KHDRBS2: variants seen among roughly 807,000 people sequenced by gnomAD.
The protein encoded by KHDRBS2 is KH domain-containing, RNA-binding, signal transduction-associated protein 2.
A neutral mutation model predicts 44.3 loss-of-function variants in KHDRBS2; 26 were observed. The ratio of observed to expected loss-of-function variants is 0.59; its 90% CI spans 0.43 to 0.81. The LOEUF is 0.81. KHDRBS2 is among the 40% of genes least tolerant of loss of function. KHDRBS2 has a pLI of 0.00. For missense variants in KHDRBS2, 476 were observed against 433.1 expected, an observed-to-expected ratio of 1.10 and a Z score of -0.88; for synonymous variants, 194 against 151.1, an observed-to-expected ratio of 1.28 and a Z score of -2.08.
chr6:61,666,991 G>T, the KHDRBS2 span, among the ~76,000 whole-genome samples: 51 of 140,522 alleles, frequency 3.6e-4, no homozygotes, highest in East Asian at 4.6e-3. Flanking sequence ...AACCTTCTGG[G>T]TTTTTTTTTT....
chr6:62,279,586 G>T (rs1388376959), intron 1 of KHDRBS2, among the ~76,000 whole-genome samples: 1 of 152,168 alleles, frequency 6.6e-6, no homozygotes, highest in Admixed American at 6.5e-5. Flanking sequence ...TTGCAATGTA[G>T]TAGTGGTGGA....
intron 6 of KHDRBS2, among the ~76,000 whole-genome samples, chr6:61,834,493 A>G (rs1792339236): frequency 6.6e-6 from 1 of 152,016 alleles, no homozygotes; most frequent in Non-Finnish European, 1.5e-5. Flanking sequence ...TTTCTTTATC[A>G]TAATTGAAGA....
intron 4 of KHDRBS2, among the ~76,000 whole-genome samples, chr6:61,906,128 G>A (rs1426774280): frequency 3.3e-5 from 5 of 152,108 alleles, no homozygotes; most frequent in Non-Finnish European, 5.9e-5. Context: ...ATATAGGCGT[G>A]AGTCACCGCG....
chr6:61,857,434 G>T (rs1349033801), intron 6 of KHDRBS2, among the ~76,000 whole-genome samples: 2 of 151,796 alleles, frequency 1.3e-5, no homozygotes, highest in African/African-American at 4.8e-5. Context: ...TAAGAAATGG[G>T]CATGTATGGT....
intron 6 of KHDRBS2, among the ~76,000 whole-genome samples, chr6:61,736,189 T>A (rs1775318031): frequency 6.9e-6 from 1 of 145,834 alleles, no homozygotes; most frequent in South Asian, 2.2e-4. Context: ...CTATATGATA[T>A]CTCTTATTCT....
intron 6 of KHDRBS2, among the ~76,000 whole-genome samples, chr6:61,881,178 G>A (rs1172845902): frequency 6.6e-6 from 1 of 151,848 alleles, no homozygotes; most frequent in Non-Finnish European, 1.5e-5. Flanking sequence ...CCACATGGGT[G>A]CCAGATGACT....
chr6:61,973,121 G>GT (rs1483739462), intron 4 of KHDRBS2, among the ~76,000 whole-genome samples: 3 of 152,194 alleles, frequency 2.0e-5, no homozygotes, highest in African/African-American at 7.2e-5. Flanking sequence ...GTGAGAGAGT[G>GT]AGACTCTGTC....
chr6:61,621,434 A>T, the KHDRBS2 span, among the ~76,000 whole-genome samples: 1 of 152,220 alleles, frequency 6.6e-6, no homozygotes, highest in African/African-American at 2.4e-5. Flanking sequence ...TTGGTAGCTT[A>T]GAAAGAGCCC....
intron 6 of KHDRBS2, among the ~76,000 whole-genome samples, chr6:61,886,472 C>T (rs1259292958): frequency 6.6e-6 from 1 of 151,608 alleles, no homozygotes; most frequent in African/African-American, 2.4e-5. Context: ...TCTAAAACAG[C>T]CATATAGCCA....
intron 2 of KHDRBS2, among the ~76,000 whole-genome samples, chr6:62,053,008 A>T (rs1325948648): frequency 2.0e-5 from 3 of 152,054 alleles, no homozygotes; most frequent in African/African-American, 7.2e-5. Flanking sequence ...AAACCTAAAA[A>T]AATAATGGGT....
At chr6:61,610,761 A>G in the KHDRBS2 span, among the ~76,000 whole-genome samples, 2 of 152,242 alleles carry the variant, frequency 1.3e-5, no homozygotes, top group East Asian at 3.8e-4. Context: ...AAAGCTAAAC[A>G]TTGTTCAAAA....
chr6:62,262,789 A>G (rs1838577981), intron 1 of KHDRBS2, among the ~76,000 whole-genome samples: 1 of 151,764 alleles, frequency 6.6e-6, no homozygotes, highest in African/African-American at 2.4e-5. Context: ...TTAATACATG[A>G]AAGTATCCAC....
At chr6:62,211,694 A>T (rs566550024) in intron 1 of KHDRBS2, among the ~76,000 whole-genome samples, 35 of 152,284 alleles carry the variant, frequency 2.3e-4, no homozygotes, top group African/African-American at 7.9e-4. Context: ...AGGAACTCTT[A>T]TACACTGTTG....
At chr6:62,132,580 G>A (rs539983221) in intron 2 of KHDRBS2, among the ~76,000 whole-genome samples, 12 of 152,230 alleles carry the variant, frequency 7.9e-5, no homozygotes, top group South Asian at 4.2e-4. Context: ...TGAAGCCTGC[G>A]TATCTGGAAC....
intron 4 of KHDRBS2, among the ~76,000 whole-genome samples, chr6:61,925,180 G>A (rs1808729426): frequency 1.3e-5 from 2 of 152,052 alleles, no homozygotes; most frequent in South Asian, 4.1e-4. Flanking sequence ...AGAGTTAAAT[G>A]GATGCTCTAT....
At chr6:61,900,731 CTCTA>C (rs1255238284) in intron 5 of KHDRBS2, among the ~76,000 whole-genome samples, 5 of 152,162 alleles carry the variant, frequency 3.3e-5, no homozygotes, top group African/African-American at 9.7e-5. Flanking sequence ...ATCTCTGTAT[CTCTA>C]TCTATCTACT....
intron 2 of KHDRBS2, among the ~76,000 whole-genome samples, chr6:62,143,194 A>G (rs1469360759): frequency 6.6e-6 from 1 of 151,912 alleles, no homozygotes; most frequent in Non-Finnish European, 1.5e-5. Flanking sequence ...CTGACAATAA[A>G]ATTTATGCAA....
chr6:61,984,974 C>T (rs1027028103), intron 3 of KHDRBS2, among the ~76,000 whole-genome samples: 5 of 152,084 alleles, frequency 3.3e-5, no homozygotes, highest in African/African-American at 1.2e-4. Context: ...AGGTTGTAAT[C>T]CAAAAGACTA....
Position 61,978,144 on chromosome 6 carries a change from A to G in KHDRBS2, c.405T>C (p.Ile135=). The G allele has an allele frequency of 6.2e-7, 1 of 1,611,984 alleles. No homozygotes were observed. The highest frequency in any genetic ancestry group is 8.5e-7 in the Non-Finnish European group (1 of 1,178,436). The change falls in exon 4 of 9, where the codon ATT becomes ATC. Residue 135 remains isoleucine (I), a synonymous_variant. Coordinates refer to ENST00000281156, the MANE Select transcript of KHDRBS2 (RefSeq NM_152688.4). ...AHLSDELHVL[I]EVFAPPGEAY... ...CTTCCCCAGGTGGAGCAAACACTTC[A>G]ATTAATACATGAAGCTCATCACTCA...
Sources: allele counts gnomAD v4.1 joint callset (sites outside exome capture counted in the v4.1 genomes callset), GRCh38; gene constraint gnomAD v4.1.1; transcripts MANE v1.5; gene names NCBI Gene and HGNC (gene_info 2026-07-23, HGNC 2026-07-21).